The following KSR1 variants were observed in gnomAD, a reference collection of about 807,000 sequenced individuals.
KSR1 encodes the protein kinase suppressor of ras 1.
A neutral mutation model predicts 92.9 loss-of-function variants in KSR1; 35 were observed. That is an observed-to-expected ratio of 0.38 (90% CI 0.29 to 0.50). The LOEUF is 0.50. Ranked by LOEUF, KSR1 falls within the 20% of genes least tolerant of loss-of-function variation. The pLI is 0.94. For synonymous variants in KSR1, 467 were observed against 472.6 expected (o/e 0.99, Z 0.15); for missense variants, 972 against 1,158.5 (o/e 0.84, Z 2.34).
chr17:27,604,797 C>T, intron 13 of KSR1, 69 bp downstream of exon 13: 2 of 1,509,270 alleles, frequency 1.3e-6, no homozygotes, highest in Non-Finnish European at 1.8e-6. Context: ...TCAGAATGCG[C>T]AGGGGGCTTG....
intron 1 of KSR1, chr17:27,471,859 CT>C (rs1391269009): frequency 2.6e-5 from 4 of 152,290 alleles, no homozygotes; most frequent in Non-Finnish European, 5.9e-5. Flanking sequence ...GGCCGCGCAG[CT>C]GACTCATCTC....
chr17:27,621,002 ACTTTCT>A, intron 19 of KSR1, 185 bp from the exon 20 acceptor site: 1 of 389,584 alleles, frequency 2.6e-6, no homozygotes, highest in Non-Finnish European at 4.5e-6. Flanking sequence ...CCTAATTCTC[ACTTTCT>A]CTTTTCTTTC....
At chr17:27,520,075 CT>C (rs2151018705) in intron 1 of KSR1, among the ~76,000 whole-genome samples, 1 of 152,308 alleles carries the variant, frequency 6.6e-6, no homozygotes, top group East Asian at 1.9e-4. Context: ...TTGTTGCACC[CT>C]TTATACCGAA....
At chr17:27,591,948 C>T (rs2278624) in intron 7 of KSR1, among the ~76,000 whole-genome samples, 20,733 of 152,244 alleles carry the variant, frequency 0.14, 1,567 homozygotes, top group Admixed American at 0.23. Context: ...GCCGGAGGGG[C>T]TGCCCTTTGG....
chr17:27,482,417 G>C (rs1490288772), intron 1 of KSR1, among the ~76,000 whole-genome samples: 1 of 152,142 alleles, frequency 6.6e-6, no homozygotes, highest in East Asian at 1.9e-4. Context: ...CTGCAGGTGG[G>C]AACAACCCAT....
rs577031634 is a variant in KSR1 at position 27,565,419 on chromosome 17, G to A, written c.373-12073G>A. 4.3e-4 allele frequency among the ~76,000 whole-genome samples: 66 copies of A among 152,286 alleles called. 1 individual carries two copies. In the South Asian group the frequency reaches 0.013, roughly 29 times the overall value. The stretch of plus-strand genomic sequence containing the variant: ...TATAAAATAGAGATGGAAAAACTAC[G>A]TGAAATTATGTTTATTTAGTTTTGA... On this transcript the variant is annotated intron_variant, in intron 2 of 20. Coordinates refer to ENST00000644974, the MANE Select transcript of KSR1 (RefSeq NM_001394583.1).
At chr17:27,476,170 C>A (rs920344205) in intron 1 of KSR1, among the ~76,000 whole-genome samples, 1 of 152,194 alleles carries the variant, frequency 6.6e-6, no homozygotes, top group Non-Finnish European at 1.5e-5. Context: ...GGACCATGCT[C>A]AGTGAGCGAT....
At chr17:27,550,916 G>A (rs550439756) in intron 2 of KSR1, among the ~76,000 whole-genome samples, 1 of 152,342 alleles carries the variant, frequency 6.6e-6, no homozygotes, top group Admixed American at 6.5e-5. Context: ...ATTGCCTGAT[G>A]AACTAGGGCA....
At position 27,589,093 on chromosome 17, in the gene KSR1, G is replaced by A. The variant is rs114957975; in HGVS notation, c.1046+558G>A. ...CGGATCGCAACTCCTTAAAAGGCAC[G>A]CCATGCAGTTTGGCGTCCCCTGCCA... On this transcript the variant is annotated intron_variant, in intron 6 of 20. Transcript: ENST00000644974. 7.2e-3 allele frequency among the ~76,000 whole-genome samples: 1,098 copies of A among 152,282 alleles called. 15 individuals carry two copies. The highest frequency in any genetic ancestry group is 0.025 in the African/African-American group (1,059 of 41,546).
chr17:27,503,390 TTAA>T (rs2069259859), intron 1 of KSR1, among the ~76,000 whole-genome samples: 1 of 152,180 alleles, frequency 6.6e-6, no homozygotes, highest in Non-Finnish European at 1.5e-5. Context: ...TCCCCAAATG[TTAA>T]TAGTGCAAGG....
chr17:27,526,276 C>G, intron 1 of KSR1: 1 of 696,116 alleles, frequency 1.4e-6, no homozygotes, highest in Non-Finnish European at 2.4e-6. Flanking sequence ...GTGACTACTA[C>G]CACTCAAATT....
chr17:27,584,085 T>A, intron 4 of KSR1: 1 of 592,216 alleles, frequency 1.7e-6, no homozygotes, highest in Non-Finnish European at 2.1e-6. Context: ...CTTGTCAGTA[T>A]ACCCTTGGCA....
chr17:27,496,343 A>G (rs1567763382), intron 1 of KSR1, among the ~76,000 whole-genome samples: 1 of 152,186 alleles, frequency 6.6e-6, no homozygotes, highest in Non-Finnish European at 1.5e-5. Context: ...TAAGAGTGCC[A>G]TAGAAACTCC....
Position 27,610,138 on chromosome 17 carries a change from C to G in KSR1, c.2297C>G (p.Thr766Ser), listed in dbSNP as rs771656384. Residue 766 changes from threonine (T) to serine (S), a missense_variant, in exon 17 of 21, where the codon ACC becomes AGC. Transcript: ENST00000644974. ...GCCCCTGAGATTGTACGCGAGATGA[C>G]CCCCGGGAAGGACGAGGATCAGCTG... ...YLAPEIVREM[T>S]PGKDEDQLPF... The G allele has an allele frequency of 6.2e-7, 1 of 1,613,994 alleles. No individual in the cohort carries two copies. Among genetic ancestry groups the G allele is most frequent in the Non-Finnish European group, 8.5e-7 (1 of 1,179,876 alleles).
At chr17:27,563,515 C>A (rs554848573) in intron 2 of KSR1, among the ~76,000 whole-genome samples, 1 of 152,316 alleles carries the variant, frequency 6.6e-6, no homozygotes, top group African/African-American at 2.4e-5. Context: ...ACTTGGCCTC[C>A]CAAAGTGTGG....
Position 27,609,207 on chromosome 17 carries a change from T to C in KSR1, c.2103T>C (p.Tyr701=). The change falls in exon 16 of 21, where the codon TAT becomes TAC. Residue 701 remains tyrosine, a synonymous_variant. Transcript: ENST00000644974. The part of the protein sequence containing the change: ...IAQEIIKGMG[Y]LHAKGIVHKD... ...GATGTGTCCTCCAGGGCATGGGATA[T>C]CTTCATGCCAAGGGCATCGTACACA... 3.1e-6 allele frequency: 5 copies of C among 1,613,842 alleles called. No individual in the cohort carries two copies. The highest frequency in any genetic ancestry group is 4.2e-6 in the Non-Finnish European group (5 of 1,179,744).
At position 27,618,151 on chromosome 17, in the gene KSR1, G is replaced by A. The variant is rs77653288; in HGVS notation, c.2627+723G>A. Among the ~76,000 whole-genome samples, 76 of 152,168 alleles carry A rather than the reference G, an allele frequency of 5.0e-4. No individual in the cohort carries two copies. The East Asian group carries it at 0.013, about 27-fold the overall frequency. ...AATATTGCTTACAATGGCACCCACC[G>A]AAACACAAGAAGCCAGCCACCTCTT... On this transcript the variant is annotated intron_variant, in intron 19 of 20. Transcript: ENST00000644974.
intron 1 of KSR1, among the ~76,000 whole-genome samples, chr17:27,507,667 C>T (rs1224676880): frequency 1.1e-4 from 16 of 141,286 alleles, no homozygotes; most frequent in African/African-American, 3.6e-4. Context: ...ACCTCCACCT[C>T]CCGGGTTCAA....
intron 1 of KSR1, among the ~76,000 whole-genome samples, chr17:27,466,358 G>A (rs1182341862): frequency 6.6e-6 from 1 of 152,132 alleles, no homozygotes; most frequent in Admixed American, 6.5e-5. Context: ...AGGGAAATAG[G>A]GTGTCTCCTG....
Sources: allele counts gnomAD v4.1 joint callset (sites outside exome capture counted in the v4.1 genomes callset), GRCh38; gene constraint gnomAD v4.1.1; transcripts MANE v1.5; gene names NCBI Gene and HGNC (gene_info 2026-07-23, HGNC 2026-07-21).